ZBTB7C: variants seen among roughly 807,000 people sequenced by gnomAD.
ZBTB7C encodes the protein zinc finger and BTB domain-containing protein 7C.
Under a neutral mutation model 25.7 loss-of-function variants are expected in ZBTB7C, and 8 were observed. The observed-to-expected ratio is 0.31, with a 90% CI of 0.18 to 0.56. The LOEUF (loss-of-function observed/expected upper bound fraction) is 0.56. Ranked by LOEUF, ZBTB7C falls within the 20% of genes least tolerant of loss-of-function variation. ZBTB7C has a pLI of 0.91. For missense variants in ZBTB7C, 824 were observed against 855.2 expected (o/e 0.96, Z 0.46); for synonymous variants, 394 against 369.0 (o/e 1.07, Z -0.78).
At chr18:48,237,658 C>CA (rs35328343) in intron 2 of ZBTB7C, among the ~76,000 whole-genome samples, 20,222 of 137,556 alleles carry the variant, frequency 0.15, 2,776 homozygotes, top group East Asian at 0.67. Context: ...GACCACTTTG[C>CA]AAAAAAAAAA....
intron 2 of ZBTB7C, among the ~76,000 whole-genome samples, chr18:48,253,692 G>A (rs573478573): frequency 3.3e-5 from 5 of 152,272 alleles, no homozygotes; most frequent in Non-Finnish European, 7.4e-5. Context: ...GTAATCATCA[G>A]AGTACCGATT....
At chr18:48,330,803 G>A (rs570944180) in intron 2 of ZBTB7C, among the ~76,000 whole-genome samples, 3 of 152,116 alleles carry the variant, frequency 2.0e-5, no homozygotes, top group African/African-American at 7.2e-5. Context: ...GGGCTGGGCA[G>A]GGGGAGCATC....
chr18:48,409,879 C>G (rs537996964), upstream of ZBTB7C, among the ~76,000 whole-genome samples: 4 of 152,232 alleles, frequency 2.6e-5, no homozygotes, highest in East Asian at 7.8e-4. Context: ...CGCCGTTTCT[C>G]CGGTCTCCTG....
chr18:48,150,216 C>T (rs547845572), intron 3 of ZBTB7C, among the ~76,000 whole-genome samples: 3 of 152,308 alleles, frequency 2.0e-5, no homozygotes, highest in African/African-American at 7.2e-5. Context: ...AGGCCACATT[C>T]ACTGCCTGTA....
At chr18:48,230,405 G>A (rs577290552) in intron 2 of ZBTB7C, among the ~76,000 whole-genome samples, 7 of 152,190 alleles carry the variant, frequency 4.6e-5, no homozygotes, top group African/African-American at 7.2e-5. Context: ...GCTCTCAGAC[G>A]GAATCCCTGT....
At chr18:48,228,740 C>G (rs1276912466) in intron 2 of ZBTB7C, among the ~76,000 whole-genome samples, 2 of 112,336 alleles carry the variant, frequency 1.8e-5, no homozygotes, top group African/African-American at 3.6e-5. Flanking sequence ...CTGTCTCTCT[C>G]TCTCTCTCAC....
rs2046686600 is a variant in ZBTB7C at position 48,344,665 on chromosome 18, T to G, written c.-303-6267A>C. On this transcript the variant is annotated intron_variant, in intron 1 of 4. Coordinates refer to ENST00000590800, the MANE Select transcript of ZBTB7C (RefSeq NM_001318841.2). ...AGAACGCTTTATGAAATTATGACAT[T>G]AGCCAACCAATAAAAATAATGCTTA... Among the ~76,000 whole-genome samples, 3 of 152,186 alleles carry G rather than the reference T, an allele frequency of 2.0e-5. No homozygotes were observed. The South Asian group carries it at 6.2e-4, about 32-fold the overall frequency.
intron 3 of ZBTB7C, among the ~76,000 whole-genome samples, chr18:48,143,807 C>T (rs949890654): frequency 6.6e-6 from 1 of 152,238 alleles, no homozygotes; most frequent in Non-Finnish European, 1.5e-5. Context: ...GATCCCCCTA[C>T]CTTTGATGTC....
At chr18:48,154,963 A>G (rs541552614) in intron 3 of ZBTB7C, among the ~76,000 whole-genome samples, 1 of 152,346 alleles carries the variant, frequency 6.6e-6, no homozygotes, top group South Asian at 2.1e-4. Flanking sequence ...AGCAATGCCA[A>G]TCCTCACCCA....
intron 2 of ZBTB7C, among the ~76,000 whole-genome samples, chr18:48,227,674 G>A (rs1377222249): frequency 6.6e-6 from 1 of 152,210 alleles, no homozygotes; most frequent in Non-Finnish European, 1.5e-5. Context: ...GTCCTAAACA[G>A]GAAGCCTGTT....
intron 3 of ZBTB7C, among the ~76,000 whole-genome samples, chr18:48,107,469 A>C (rs2039075243): frequency 6.6e-6 from 1 of 152,086 alleles, no homozygotes; most frequent in Non-Finnish European, 1.5e-5. Context: ...GACAGGCACT[A>C]ACACAGCACT....
At chr18:48,231,521 G>T (rs1397856388) in intron 2 of ZBTB7C, among the ~76,000 whole-genome samples, 1 of 152,032 alleles carries the variant, frequency 6.6e-6, no homozygotes, top group African/African-American at 2.4e-5. Flanking sequence ...ACCTGCCTGT[G>T]GAGAGGAACT....
At chr18:48,042,263 T>A (rs1280412326) in intron 3 of ZBTB7C, among the ~76,000 whole-genome samples, 1 of 151,676 alleles carries the variant, frequency 6.6e-6, no homozygotes, top group East Asian at 1.9e-4. Context: ...TTCAGGCTGC[T>A]AAAAGCCTAA....
At chr18:48,395,563 A>G (rs1314603068) in intron 1 of ZBTB7C, among the ~76,000 whole-genome samples, 2 of 151,920 alleles carry the variant, frequency 1.3e-5, no homozygotes, top group Non-Finnish European at 2.9e-5. Context: ...ATGCTTTACC[A>G]CCCTGACAAA....
At chr18:48,098,999 C>T (rs2038739158) in intron 3 of ZBTB7C, among the ~76,000 whole-genome samples, 1 of 152,152 alleles carries the variant, frequency 6.6e-6, no homozygotes, top group Non-Finnish European at 1.5e-5. Context: ...TGAGTCTGAC[C>T]CTATCCACTG....
At chr18:48,172,919 G>A (rs958020647) in intron 3 of ZBTB7C, among the ~76,000 whole-genome samples, 1 of 152,202 alleles carries the variant, frequency 6.6e-6, no homozygotes, top group Non-Finnish European at 1.5e-5. Flanking sequence ...GGTGGGAGGG[G>A]ACTGTGGGGT....
intron 2 of ZBTB7C, among the ~76,000 whole-genome samples, chr18:48,215,772 G>A (rs1023318140): frequency 6.6e-6 from 1 of 152,110 alleles, no homozygotes; most frequent in Non-Finnish European, 1.5e-5. Context: ...AAAGGGAAAG[G>A]GATTTTCTAC....
At chr18:48,277,779 A>T (rs2044709592) in intron 2 of ZBTB7C, among the ~76,000 whole-genome samples, 1 of 152,196 alleles carries the variant, frequency 6.6e-6, no homozygotes. Flanking sequence ...ATAGTGGTTT[A>T]TAAGGAACAA....
intron 3 of ZBTB7C, among the ~76,000 whole-genome samples, chr18:48,132,086 A>C (rs993282185): frequency 3.3e-5 from 5 of 152,210 alleles, no homozygotes; most frequent in African/African-American, 1.2e-4. Context: ...AAACTTGCAA[A>C]TGATTGTTCA....
Sources: gnomAD v4.1 joint callset for allele counts (sites outside exome capture counted in the v4.1 genomes callset) on GRCh38, gnomAD v4.1.1 for gene constraint, MANE v1.5 for transcripts, NCBI Gene and HGNC (gene_info 2026-07-23, HGNC 2026-07-21) for gene names.